MCTP1: variants seen among roughly 807,000 people sequenced by gnomAD.
MCTP1 encodes multiple C2 and transmembrane domain containing 1.
A neutral mutation model predicts 120.6 loss-of-function variants in MCTP1; 69 were observed. That is an observed-to-expected ratio of 0.57 (90% CI 0.47 to 0.70). MCTP1 has a LOEUF of 0.70. MCTP1 is among the 30% of genes least tolerant of loss of function. The pLI, the probability that MCTP1 is intolerant of heterozygous loss-of-function variation, is 0.00. For synonymous variants in MCTP1, 529 were observed against 493.1 expected, an observed-to-expected ratio of 1.07 and a Z score of -0.96; for missense variants, 1,203 against 1,248.8, an observed-to-expected ratio of 0.96 and a Z score of 0.55.
intron 1 of MCTP1, among the ~76,000 whole-genome samples, chr5:95,201,624 C>T (rs961911919): frequency 4.0e-5 from 6 of 150,948 alleles, no homozygotes; most frequent in African/African-American, 7.3e-5. Context: ...CCTGCCTTAG[C>T]GTCCTGAGTA....
intron 1 of MCTP1, among the ~76,000 whole-genome samples, chr5:95,038,519 AGT>A (rs749805231): frequency 1.8e-4 from 27 of 152,280 alleles, no homozygotes; most frequent in Non-Finnish European, 3.4e-4. Flanking sequence ...CCCATCCTCA[AGT>A]GTGGGCTGTG....
At chr5:95,215,294 T>G (rs1050034997) in intron 1 of MCTP1, among the ~76,000 whole-genome samples, 4 of 152,236 alleles carry the variant, frequency 2.6e-5, no homozygotes, top group African/African-American at 9.6e-5. Flanking sequence ...AAACATGATA[T>G]AAATGGAAAT....
chr5:95,274,535 C>G (rs1048490471), intron 1 of MCTP1, among the ~76,000 whole-genome samples: 1 of 152,202 alleles, frequency 6.6e-6, no homozygotes, highest in Non-Finnish European at 1.5e-5. Context: ...TCCATAGGCT[C>G]TGCCCCATCA....
intron 2 of MCTP1, among the ~76,000 whole-genome samples, chr5:95,000,045 T>G (rs1425089014): frequency 6.6e-6 from 1 of 152,172 alleles, no homozygotes; most frequent in African/African-American, 2.4e-5. Flanking sequence ...CACCACATAA[T>G]GACATTTTGG....
At chr5:95,190,179 G>GT (rs1749669789) in intron 1 of MCTP1, among the ~76,000 whole-genome samples, 1 of 152,066 alleles carries the variant, frequency 6.6e-6, no homozygotes, top group Non-Finnish European at 1.5e-5. Flanking sequence ...GGGAAATCTG[G>GT]TAAGGATACA....
intron 2 of MCTP1, among the ~76,000 whole-genome samples, chr5:94,984,937 G>A (rs569629391): frequency 6.6e-6 from 1 of 152,210 alleles, no homozygotes; most frequent in South Asian, 2.1e-4. Flanking sequence ...ACACATCAAT[G>A]TCCTTTTACA....
chr5:94,856,413 T>G (rs562573896), intron 17 of MCTP1, among the ~76,000 whole-genome samples: 1 of 151,822 alleles, frequency 6.6e-6, no homozygotes, highest in South Asian at 2.1e-4. Flanking sequence ...ATAAAAAAAA[T>G]CTCTTAGCAG....
chr5:94,941,367 C>T (rs973122841), intron 4 of MCTP1, among the ~76,000 whole-genome samples: 1 of 152,028 alleles, frequency 6.6e-6, no homozygotes, highest in African/African-American at 2.4e-5. Flanking sequence ...AGAAAAAGTA[C>T]AGGAAAGGCT....
intron 1 of MCTP1, among the ~76,000 whole-genome samples, chr5:95,253,203 G>A (rs1424353155): frequency 2.0e-5 from 3 of 152,018 alleles, no homozygotes; most frequent in Non-Finnish European, 4.4e-5. Context: ...CACATAAGGT[G>A]GATTTTCTTA....
chr5:94,838,490 A>G (rs1223478649), intron 17 of MCTP1, among the ~76,000 whole-genome samples: 1 of 152,188 alleles, frequency 6.6e-6, no homozygotes, highest in Non-Finnish European at 1.5e-5. Flanking sequence ...AGAAGATGCA[A>G]CTAAGTTATT....
At chr5:94,714,638 T>C (rs1758415460) in intron 20 of MCTP1, 139 bp downstream of exon 20, 1 of 678,338 alleles carries the variant, frequency 1.5e-6, no homozygotes, top group African/African-American at 1.8e-5. Flanking sequence ...AGAAATAAAG[T>C]AAATAATGAT....
At chr5:94,764,364 T>A (rs1043025732) in intron 19 of MCTP1, among the ~76,000 whole-genome samples, 2 of 152,216 alleles carry the variant, frequency 1.3e-5, no homozygotes, top group Admixed American at 6.5e-5. Flanking sequence ...CCATGCTAAC[T>A]AACATCACTA....
chr5:95,028,464 T>C (rs1024917059), intron 1 of MCTP1, among the ~76,000 whole-genome samples: 3 of 152,142 alleles, frequency 2.0e-5, no homozygotes. Context: ...CAACATTTAT[T>C]GCTGTTTAAA....
intron 6 of MCTP1, 62 bp downstream of exon 6, chr5:94,931,891 G>C: frequency 8.3e-7 from 1 of 1,208,302 alleles, no homozygotes; most frequent in Non-Finnish European, 1.2e-6. Flanking sequence ...AGAGAGATCT[G>C]GGAAAGCAGA....
intron 1 of MCTP1, among the ~76,000 whole-genome samples, chr5:95,103,807 A>G (rs966917845): frequency 7.9e-5 from 12 of 152,300 alleles, no homozygotes; most frequent in South Asian, 4.1e-4. Context: ...CTACAACTCA[A>G]TATGGTACAC....
intron 17 of MCTP1, among the ~76,000 whole-genome samples, chr5:94,814,342 T>C (rs1784054286): frequency 1.3e-5 from 2 of 152,174 alleles, no homozygotes; most frequent in African/African-American, 4.8e-5. Context: ...GAACCTTGGG[T>C]GTATCTTGCC....
intron 3 of MCTP1, among the ~76,000 whole-genome samples, chr5:94,949,025 C>T (rs1411514414): frequency 1.3e-5 from 2 of 152,144 alleles, no homozygotes; most frequent in African/African-American, 4.8e-5. Flanking sequence ...AAATGACCAT[C>T]TTAGAAACAG....
In MCTP1 at chr5:94,906,311, C is replaced by T. The variant is rs27631; in HGVS notation, c.1652+2940G>A. On this transcript the variant is annotated intron_variant, in intron 10 of 22. Transcript: ENST00000515393. ...GAACAGCCTTGGCAGCATGGCAAAA[C>T]GCTGCCTCTACCAAAAATACAAAAA... Among the ~76,000 whole-genome samples, 181 of 152,188 alleles carry T rather than the reference C, an allele frequency of 1.2e-3. 1 individual carries two copies. The East Asian group carries it at 0.034, about 29-fold the overall frequency.
intron 14 of MCTP1, 123 bp downstream of exon 14, chr5:94,871,192 G>T: frequency 1.4e-6 from 1 of 712,052 alleles, no homozygotes; most frequent in Non-Finnish European, 2.4e-6. Flanking sequence ...AAAATTTTTA[G>T]TGTTCTTATT....
Sources: allele counts gnomAD v4.1 joint callset (sites outside exome capture counted in the v4.1 genomes callset), GRCh38; gene constraint gnomAD v4.1.1; transcripts MANE v1.5; gene names NCBI Gene and HGNC (gene_info 2026-07-23, HGNC 2026-07-21).